Variants in TMEM135 observed in about 807,000 individuals in gnomAD.
TMEM135 encodes the protein peroxisomal membrane protein 52.
Under a neutral mutation model 60.3 loss-of-function variants are expected in TMEM135, and 30 were observed. The observed-to-expected ratio is 0.50, with a 90% CI of 0.37 to 0.68. TMEM135 has a LOEUF of 0.68. Among genes scored for constraint, TMEM135 ranks in the 30% least tolerant of loss-of-function variants. TMEM135 has a pLI of 0.00. For synonymous variants in TMEM135, 190 were observed against 186.7 expected, an observed-to-expected ratio of 1.02 and a Z score of -0.14; for missense variants, 468 against 548.8, an observed-to-expected ratio of 0.85 and a Z score of 1.47.
rs116748418 is a variant in TMEM135, at chr11:87,228,691, C to T, written c.463-7947C>T. Among the ~76,000 whole-genome samples, 313 of 152,224 alleles carry T rather than the reference C, an allele frequency of 2.1e-3. 6 individuals carry two copies. Among genetic ancestry groups the T allele is most frequent in the African/African-American group, 7.1e-3 (294 of 41,542 alleles). Reference sequence around the variant, plus strand: ...GGTGCAAAAATCAAATAATCAAATACACTAATGAAAAGCAGAAGAGTTCTG... The same window carrying T: ...GGTGCAAAAATCAAATAATCAAATATACTAATGAAAAGCAGAAGAGTTCTG... On this transcript the variant is annotated intron_variant, in intron 5 of 14. Transcript: ENST00000305494.
At chr11:87,067,604 T>C in intron 1 of TMEM135, 90 bp from the exon 2 acceptor site, 1 of 1,534,094 alleles carries the variant, frequency 6.5e-7, no homozygotes, top group South Asian at 1.1e-5. Flanking sequence ...AACTTATAAA[T>C]ATATGCTTTT....
intron 4 of TMEM135, among the ~76,000 whole-genome samples, chr11:87,139,299 C>T (rs1346910810): frequency 6.6e-6 from 1 of 151,980 alleles, no homozygotes; most frequent in Non-Finnish European, 1.5e-5. Flanking sequence ...AGAAAACAGC[C>T]TTATTTATAT....
intron 5 of TMEM135, among the ~76,000 whole-genome samples, chr11:87,181,089 G>T (rs976811568): frequency 1.4e-4 from 21 of 152,160 alleles, no homozygotes; most frequent in African/African-American, 4.6e-4. Flanking sequence ...TGAACAGAAA[G>T]AATGAAGTTC....
chr11:87,258,278 A>G (rs1462178428), intron 6 of TMEM135, among the ~76,000 whole-genome samples: 2 of 152,020 alleles, frequency 1.3e-5, no homozygotes, highest in African/African-American at 4.8e-5. Context: ...CACACACACA[A>G]ATCTAACAGC....
chr11:87,053,949 T>C (rs1385812270), intron 1 of TMEM135, among the ~76,000 whole-genome samples: 1 of 152,220 alleles, frequency 6.6e-6, no homozygotes, highest in Non-Finnish European at 1.5e-5. Flanking sequence ...TGTTTTATCT[T>C]TGGATACTAG....
At chr11:87,150,443 A>T (rs983783876) in intron 4 of TMEM135, among the ~76,000 whole-genome samples, 13 of 152,140 alleles carry the variant, frequency 8.5e-5, no homozygotes, top group Non-Finnish European at 1.6e-4. Flanking sequence ...ACTACAGAAG[A>T]TGGGAATTTG....
chr11:87,207,689 A>G (rs959393202), intron 5 of TMEM135, among the ~76,000 whole-genome samples: 39 of 152,166 alleles, frequency 2.6e-4, no homozygotes, highest in African/African-American at 8.7e-4. Context: ...GTCATTTTCT[A>G]TTGCTATAAT....
intron 6 of TMEM135, among the ~76,000 whole-genome samples, chr11:87,268,104 T>C (rs1941786207): frequency 6.6e-6 from 1 of 151,580 alleles, no homozygotes; most frequent in Admixed American, 6.6e-5. Context: ...CTACTCTTTT[T>C]TGCCCGGCCC....
intron 4 of TMEM135, among the ~76,000 whole-genome samples, chr11:87,094,573 G>A (rs1278566010): frequency 1.3e-5 from 2 of 152,092 alleles, no homozygotes; most frequent in South Asian, 2.1e-4. Context: ...AGGTGTGGTG[G>A]TATGGGCCTG....
At chr11:87,129,525 G>A (rs931102290) in intron 4 of TMEM135, among the ~76,000 whole-genome samples, 2 of 144,002 alleles carry the variant, frequency 1.4e-5, no homozygotes, top group Non-Finnish European at 3.0e-5. Flanking sequence ...TTACAGGCGT[G>A]ATCCACCATG....
chr11:87,281,543 AAAAG>A (rs777685751), intron 6 of TMEM135, among the ~76,000 whole-genome samples: 1 of 152,234 alleles, frequency 6.6e-6, no homozygotes, highest in Non-Finnish European at 1.5e-5. Flanking sequence ...TTTATGAAGA[AAAAG>A]AAATTGTGCT....
At position 87,326,349 on chromosome 11, in the gene TMEM135, T is replaced by C. The variant is rs1466579517; in HGVS notation, c.*5016T>C. The C allele has an allele frequency of 2.2e-6, 1 of 453,978 alleles. No individual in the cohort carries two copies. Among genetic ancestry groups the C allele is most frequent in the Non-Finnish European group, 4.4e-6 (1 of 226,780 alleles). The allele number at this position is 453,978 out of a possible 1,614,324, so 28.1% of individuals were successfully genotyped here. A position where few individuals can be genotyped will look rare whatever the true frequency, so the allele number is the denominator to read the frequency against. On this transcript the variant is annotated 3_prime_UTR_variant, in exon 15 of 15. Coordinates refer to ENST00000305494, the MANE Select transcript of TMEM135 (RefSeq NM_022918.4). ...CTGAGGTCACCCTGCATTACTACTT[T>C]CCTCCATCCCTGAACTAGGACCAGT...
At chr11:87,141,299 C>A (rs953990358) in intron 4 of TMEM135, among the ~76,000 whole-genome samples, 1 of 151,844 alleles carries the variant, frequency 6.6e-6, no homozygotes, top group Non-Finnish European at 1.5e-5. Flanking sequence ...TCGTTTACTT[C>A]CTTTGTTAAG....
rs527443641 is a variant in TMEM135, at chr11:87,055,926, C to T, written c.142-11768C>T. On this transcript the variant is annotated intron_variant, in intron 1 of 14. Coordinates refer to ENST00000305494, the MANE Select transcript of TMEM135 (RefSeq NM_022918.4). ...GAAAGAATTCAGGGCAAGTCCGCAGCGCAAAGCAAAAGCAAGTTTATTAAG... is the reference window on the plus strand; with the variant it reads ...GAAAGAATTCAGGGCAAGTCCGCAGTGCAAAGCAAAAGCAAGTTTATTAAG... Among the ~76,000 whole-genome samples, 75 of 152,142 alleles carry T rather than the reference C, an allele frequency of 4.9e-4. No homozygotes were observed. In the Middle Eastern group the frequency reaches 0.01, roughly 21 times the overall value.
At chr11:87,082,821 A>T (rs1565433307) in intron 3 of TMEM135, among the ~76,000 whole-genome samples, 2 of 152,180 alleles carry the variant, frequency 1.3e-5, no homozygotes, top group African/African-American at 2.4e-5. Context: ...GTTTCTTTTT[A>T]AAAAATAGCA....
intron 6 of TMEM135, among the ~76,000 whole-genome samples, chr11:87,273,770 A>T (rs1010920232): frequency 6.6e-6 from 1 of 152,188 alleles, no homozygotes; most frequent in East Asian, 1.9e-4. Flanking sequence ...CAAAATCTTT[A>T]TAATAAATCT....
intron 1 of TMEM135, among the ~76,000 whole-genome samples, 157 bp downstream of exon 1, chr11:87,038,343 G>A (rs1260019835): frequency 6.6e-6 from 1 of 151,894 alleles, no homozygotes; most frequent in East Asian, 1.9e-4. Context: ...GGGGAAGGGG[G>A]AGGTCGCAAG....
intron 4 of TMEM135, among the ~76,000 whole-genome samples, chr11:87,138,534 A>G (rs752687557): frequency 3.3e-5 from 5 of 152,206 alleles, no homozygotes; most frequent in Non-Finnish European, 5.9e-5. Flanking sequence ...CTTACTTGAC[A>G]TAGTCCAAAC....
chr11:87,291,101 C>T (rs1285549280), intron 6 of TMEM135, among the ~76,000 whole-genome samples: 1 of 152,152 alleles, frequency 6.6e-6, no homozygotes, highest in Admixed American at 6.5e-5. Flanking sequence ...TATCTAGTCT[C>T]ATGCATTTAA....
Sources: gnomAD v4.1 joint callset for allele counts (sites outside exome capture counted in the v4.1 genomes callset) on GRCh38, gnomAD v4.1.1 for gene constraint, MANE v1.5 for transcripts, NCBI Gene and HGNC (gene_info 2026-07-23, HGNC 2026-07-21) for gene names.